Variants in ZC3H4 observed in about 807,000 individuals in gnomAD.
ZC3H4 encodes zinc finger CCCH-type containing 4.
A neutral mutation model predicts 108.3 loss-of-function variants in ZC3H4; 13 were observed. That is an observed-to-expected ratio of 0.12 (90% CI 0.08 to 0.19). The LOEUF (loss-of-function observed/expected upper bound fraction) is 0.19, where lower values mean the gene tolerates loss of function less well. Ranked by LOEUF, ZC3H4 falls within the 10% of genes least tolerant of loss-of-function variation. The probability of loss-of-function intolerance (pLI) is 1.00; values close to 1 mark genes in which losing one functional copy is unlikely to be tolerated. For synonymous variants in ZC3H4, 917 were observed against 749.6 expected, an observed-to-expected ratio of 1.22 and a Z score of -3.65; for missense variants, 1,734 against 1,838.8, an observed-to-expected ratio of 0.94 and a Z score of 1.04.
chr19:47,077,684 C>T (rs774396973), intron 11 of ZC3H4, among the ~76,000 whole-genome samples: 5 of 151,920 alleles, frequency 3.3e-5, no homozygotes, highest in Non-Finnish European at 5.9e-5. Flanking sequence ...GGAGAAACCC[C>T]GTCCCTACTA....
chr19:47,082,438 G>A, intron 9 of ZC3H4, 143 bp from the exon 10 acceptor site: 1 of 658,518 alleles, frequency 1.5e-6, no homozygotes, highest in Non-Finnish European at 2.7e-6. Flanking sequence ...AAGGAAGACA[G>A]GTGTAGGAAG....
chr19:47,091,901 T>C (rs1422877069), intron 4 of ZC3H4, among the ~76,000 whole-genome samples: 2 of 150,542 alleles, frequency 1.3e-5, no homozygotes, highest in South Asian at 2.1e-4. Flanking sequence ...TCTAAATAAA[T>C]GAATGAATGA....
In ZC3H4 at chr19:47,094,143, G is replaced by C. The variant is rs555912385; in HGVS notation, c.382-63C>G. ...CAGGCAGGCCACTCGGGCACAGTCAGCCTCAGGACAAACTATGCTGGCATG... is the reference window on the plus strand; with the variant it reads ...CAGGCAGGCCACTCGGGCACAGTCACCCTCAGGACAAACTATGCTGGCATG... On this transcript the variant is annotated intron_variant, in intron 3 of 14. Coordinates refer to ENST00000253048, the MANE Select transcript of ZC3H4 (RefSeq NM_015168.2). 8.6e-5 allele frequency: 129 copies of C among 1,506,434 alleles called. 1 individual carries two copies. In the African/African-American group the frequency reaches 1.3e-3, roughly 16 times the overall value. The allele number at this position is 1,506,434 out of a possible 1,614,324, so 93.3% of individuals were successfully genotyped here.
intron 11 of ZC3H4, among the ~76,000 whole-genome samples, chr19:47,074,303 T>C (rs966024282): frequency 1.3e-5 from 2 of 152,182 alleles, no homozygotes; most frequent in Non-Finnish European, 2.9e-5. Context: ...TATTCAGTCA[T>C]TCCCATGTTC....
At chr19:47,081,703 C>A in intron 10 of ZC3H4, 81 bp from the exon 11 acceptor site, 1 of 1,237,590 alleles carries the variant, frequency 8.1e-7, no homozygotes, top group Non-Finnish European at 1.2e-6. Context: ...GAATCCAGCT[C>A]CCTTTGTTTT....
chr19:47,080,218 G>C (rs1047895070), intron 11 of ZC3H4, among the ~76,000 whole-genome samples: 2 of 152,184 alleles, frequency 1.3e-5, no homozygotes, highest in African/African-American at 2.4e-5. Flanking sequence ...CTCCCCAGAT[G>C]AATCAGGAAA....
At chr19:47,083,517 C>T (rs1156306517) in intron 9 of ZC3H4, among the ~76,000 whole-genome samples, 1 of 152,026 alleles carries the variant, frequency 6.6e-6, no homozygotes, top group Non-Finnish European at 1.5e-5. Flanking sequence ...CCAGCCTGGC[C>T]AACATGGCGA....
At position 47,069,269 on chromosome 19, in the gene ZC3H4, C is replaced by A; in HGVS notation, c.2221G>T (p.Asp741Tyr). The change falls in exon 14 of 15, where the codon GAC becomes TAC. Residue 741 changes from aspartate (D) to tyrosine (Y), a missense_variant. Asp to Tyr is a radical substitution (Grantham distance 160). Coordinates refer to ENST00000253048, the MANE Select transcript of ZC3H4 (RefSeq NM_015168.2). ...HLFPEHPLEP[D>Y]SFSEGGPPGR... ...GGGGGCCCTCCCTCAGAGAAGCTGTCGGGCTCCAGAGGGTGCTCAGGGAAG... is the reference window on the plus strand; with the variant it reads ...GGGGGCCCTCCCTCAGAGAAGCTGTAGGGCTCCAGAGGGTGCTCAGGGAAG... The A allele has an allele frequency of 6.2e-7, 1 of 1,613,892 alleles. No homozygotes were observed. Among genetic ancestry groups the A allele is most frequent in the Non-Finnish European group, 8.5e-7 (1 of 1,179,930 alleles).
At chr19:47,095,880 T>C (rs143923336) in intron 2 of ZC3H4, among the ~76,000 whole-genome samples, 22 of 152,126 alleles carry the variant, frequency 1.4e-4, no homozygotes, top group Non-Finnish European at 2.4e-4. Context: ...AGAGAAGTGA[T>C]GTAAGGAGGA....
At chr19:47,102,204 A>G (rs1030904304) in intron 2 of ZC3H4, among the ~76,000 whole-genome samples, 1 of 152,192 alleles carries the variant, frequency 6.6e-6, no homozygotes, top group Non-Finnish European at 1.5e-5. Context: ...CAGAGACAAG[A>G]AGGAATTTGC....
At chr19:47,068,306 G>C (rs901843812) in intron 14 of ZC3H4, among the ~76,000 whole-genome samples, 3 of 152,248 alleles carry the variant, frequency 2.0e-5, no homozygotes, top group Non-Finnish European at 4.4e-5. Flanking sequence ...AAGTCCAGCT[G>C]TGGGCACCTC....
chr19:47,103,773 A>C (rs1396250812), intron 2 of ZC3H4, among the ~76,000 whole-genome samples: 2 of 151,026 alleles, frequency 1.3e-5, no homozygotes, highest in African/African-American at 4.9e-5. Context: ...AAAAAAAAAA[A>C]AAAAAAAAAA....
chr19:47,105,905 C>T (rs905412489), intron 2 of ZC3H4, among the ~76,000 whole-genome samples: 14 of 152,288 alleles, frequency 9.2e-5, no homozygotes, highest in African/African-American at 2.9e-4. Context: ...AAAAATAGCA[C>T]ACCAGATCCA....
chr19:47,112,202 C>G (rs2058048142), intron 2 of ZC3H4: 1 of 1,202,108 alleles, frequency 8.3e-7, no homozygotes, highest in Non-Finnish European at 1.0e-6. Context: ...GGAGAGCGGG[C>G]GAGCGCCGCG....
At chr19:47,075,588 C>T (rs1254033111) in intron 11 of ZC3H4, among the ~76,000 whole-genome samples, 1 of 152,012 alleles carries the variant, frequency 6.6e-6, no homozygotes, top group Admixed American at 6.5e-5. Flanking sequence ...TTCTTCACGG[C>T]CTGATCCCCA....
chr19:47,089,204 CAAAAAAAA>C (rs888647856), intron 5 of ZC3H4, among the ~76,000 whole-genome samples: 4 of 26,838 alleles, frequency 1.5e-4, no homozygotes, highest in Non-Finnish European at 2.2e-4. Context: ...GACTCCGTCT[CAAAAAAAA>C]AAAAAAAAAA....
At chr19:47,089,846 T>C in intron 5 of ZC3H4, 121 bp downstream of exon 5, 1 of 1,014,036 alleles carries the variant, frequency 9.9e-7, no homozygotes, top group Non-Finnish European at 1.4e-6. Flanking sequence ...AGCCTGGCCC[T>C]TCTTTGTACA....
At chr19:47,073,130 A>G (rs1218780883) in intron 11 of ZC3H4, among the ~76,000 whole-genome samples, 3 of 151,702 alleles carry the variant, frequency 2.0e-5, no homozygotes, top group Admixed American at 6.6e-5. Flanking sequence ...AAAATTAGCC[A>G]GGCATGGTAG....
At chr19:47,082,710 G>C (rs879559359) in intron 9 of ZC3H4, among the ~76,000 whole-genome samples, 5 of 152,160 alleles carry the variant, frequency 3.3e-5, no homozygotes, top group Non-Finnish European at 7.3e-5. Context: ...GTAACCATGA[G>C]GACAAAAGCC....
Sources: gnomAD v4.1 joint callset for allele counts (sites outside exome capture counted in the v4.1 genomes callset) on GRCh38, gnomAD v4.1.1 for gene constraint, MANE v1.5 for transcripts, NCBI Gene and HGNC (gene_info 2026-07-23, HGNC 2026-07-21) for gene names.